NR2C1: variants seen among roughly 807,000 people sequenced by gnomAD.
NR2C1 encodes TR2 nuclear hormone receptor.
NR2C1 carries 33 observed loss-of-function variants against 74.8 expected under a neutral mutation model. The ratio of observed to expected loss-of-function variants is 0.44; its 90% CI spans 0.33 to 0.59. NR2C1 has a LOEUF of 0.59. NR2C1 is among the 20% of genes least tolerant of loss of function. NR2C1 has a pLI of 0.02. For missense variants in NR2C1, 568 were observed against 715.6 expected, an observed-to-expected ratio of 0.79 and a Z score of 2.35; for synonymous variants, 225 against 240.6, an observed-to-expected ratio of 0.94 and a Z score of 0.60.
chr12:95,054,661 A>G (rs745904194), intron 7 of NR2C1, among the ~76,000 whole-genome samples: 5 of 152,236 alleles, frequency 3.3e-5, no homozygotes, highest in Non-Finnish European at 5.9e-5. Context: ...TAAAAAGTAC[A>G]TTAGTTACAA....
intron 7 of NR2C1, 57 bp downstream of exon 7, chr12:95,057,496 T>G: frequency 7.8e-7 from 1 of 1,277,104 alleles, no homozygotes; most frequent in Non-Finnish European, 1.1e-6. Context: ...AGGAAGTGAT[T>G]AGAAAACATT....
chr12:95,038,078 C>T (rs1033697073), intron 10 of NR2C1, among the ~76,000 whole-genome samples: 1 of 152,004 alleles, frequency 6.6e-6, no homozygotes. Context: ...TACATAATGG[C>T]CTTGACTGCT....
intron 1 of NR2C1, among the ~76,000 whole-genome samples, chr12:95,070,284 A>G (rs1462311152): frequency 6.6e-6 from 1 of 152,040 alleles, no homozygotes; most frequent in East Asian, 1.9e-4. Context: ...GGCATGCACC[A>G]CCATGCCCAG....
intron 9 of NR2C1, among the ~76,000 whole-genome samples, chr12:95,041,869 C>T (rs1008279642): frequency 2.6e-5 from 4 of 152,178 alleles, no homozygotes; most frequent in African/African-American, 9.7e-5. Flanking sequence ...AGCTCTACAT[C>T]TAACAATGAA....
intron 1 of NR2C1, among the ~76,000 whole-genome samples, chr12:95,070,351 C>T (rs879429523): frequency 3.3e-5 from 5 of 151,952 alleles, no homozygotes; most frequent in South Asian, 2.1e-4. Flanking sequence ...AGGCTGGTCT[C>T]GAATTCTTGA....
chr12:95,046,440 T>G (rs954876063), intron 9 of NR2C1, among the ~76,000 whole-genome samples: 1 of 152,026 alleles, frequency 6.6e-6, no homozygotes, highest in African/African-American at 2.4e-5. Context: ...TTTTTTAAAT[T>G]AGCTGGGTGT....
chr12:95,057,770 G>C lies in NR2C1; in HGVS notation c.653C>G (p.Thr218Ser). 2 of 1,614,116 alleles carry C rather than the reference G, an allele frequency of 1.2e-6. No homozygotes were observed. The highest frequency in any genetic ancestry group is 1.7e-6 in the Non-Finnish European group (2 of 1,180,008). ...YIRKDLRSPL[T>S]ATPTFVTDSE... ...ATCTGTTACAAAAGTTGGAGTTGCA[G>C]TTAATGGGCTACGAAGGTCCTTTCG... Residue 218 changes from threonine to serine, a missense_variant, in exon 6 of 14, where the codon ACT becomes AGT. By Grantham distance (58) the Thr-to-Ser change is moderately conservative. Transcript: ENST00000333003.
intron 2 of NR2C1, among the ~76,000 whole-genome samples, chr12:95,063,827 C>T (rs1019316122): frequency 6.6e-6 from 1 of 150,694 alleles, no homozygotes; most frequent in African/African-American, 2.4e-5. Flanking sequence ...GTCAGGAGTT[C>T]AAGCCCAGCC....
intron 2 of NR2C1, among the ~76,000 whole-genome samples, chr12:95,065,742 G>A (rs1875586258): frequency 6.6e-6 from 1 of 151,956 alleles, no homozygotes; most frequent in South Asian, 2.1e-4. Context: ...ATGAGGTCAG[G>A]AGTTTGAGAC....
At chr12:95,065,183 C>G (rs1470357295) in intron 2 of NR2C1, among the ~76,000 whole-genome samples, 1 of 151,928 alleles carries the variant, frequency 6.6e-6, no homozygotes, top group Non-Finnish European at 1.5e-5. Context: ...CTGAGGGTTC[C>G]AAAGAGCTTT....
intron 3 of NR2C1, among the ~76,000 whole-genome samples, chr12:95,060,754 A>C (rs111375411): frequency 4.6e-5 from 7 of 152,360 alleles, no homozygotes; most frequent in African/African-American, 1.7e-4. Flanking sequence ...TGAAATGTGA[A>C]CAAATAAATT....
chr12:95,030,275 T>C lies in NR2C1; in HGVS notation c.1393+1074A>G, dbSNP rs978535654. 7.8e-5 allele frequency: 22 copies of C among 280,440 alleles called. No individual in the cohort carries two copies. In the East Asian group the frequency reaches 1.4e-3, roughly 18 times the overall value. 17.4% of individuals were successfully genotyped at this position (280,440 alleles called of 1,614,324 possible). A position where few individuals can be genotyped will look rare whatever the true frequency, so the allele number is the denominator to read the frequency against. ...GTACATAAGACTCAAATTTTGGTAA[T>C]AGGATTTTATTTAAGCTTATATTGG... On this transcript the variant is annotated intron_variant, in intron 11 of 13. Transcript: ENST00000333003.
intron 9 of NR2C1, among the ~76,000 whole-genome samples, chr12:95,044,167 A>G (rs1871985918): frequency 6.6e-6 from 1 of 152,246 alleles, no homozygotes; most frequent in Non-Finnish European, 1.5e-5. Flanking sequence ...GAGCATTGAC[A>G]AGAACTAAAC....
Position 95,059,897 on chromosome 12 carries a change from T to G in NR2C1, c.364+9A>C. ...TTTTCTGTTTTTAGGAGGTTATTCT[T>G]AATGTTACCTGATGCTTTGTCTCCA... On this transcript the variant is annotated intron_variant, in intron 4 of 13. Coordinates refer to ENST00000333003, the MANE Select transcript of NR2C1 (RefSeq NM_003297.4). The G allele has an allele frequency of 6.4e-7, 1 of 1,573,350 alleles. No homozygotes were observed. The highest frequency in any genetic ancestry group is 8.6e-7 in the Non-Finnish European group (1 of 1,165,318).
Position 95,021,515 on chromosome 12 carries a change from TA to T in NR2C1, c.*713del. 6.6e-6 allele frequency: 1 copy of T among 151,966 alleles called. No homozygotes were observed. The allele number at this position is 151,966 out of a possible 1,614,324, so 9.4% of individuals were successfully genotyped here. A position where few individuals can be genotyped will look rare whatever the true frequency, so the allele number is the denominator to read the frequency against. On this transcript the variant is annotated 3_prime_UTR_variant, in exon 14 of 14. Coordinates refer to ENST00000333003, the MANE Select transcript of NR2C1 (RefSeq NM_003297.4). The stretch of plus-strand genomic sequence containing the variant: ...AAAAACAAAAACACGAGCAGTAAGC[TA>T]AAAATATTAAAATATCAACACTAGC...
At chr12:95,042,375 A>G (rs969323246) in intron 9 of NR2C1, among the ~76,000 whole-genome samples, 5 of 151,972 alleles carry the variant, frequency 3.3e-5, no homozygotes, top group African/African-American at 9.7e-5. Context: ...AGGCCCCGCT[A>G]ATTTTTTTTG....
At chr12:95,032,457 C>CAAAAAAAAAAAA (rs905079010) in intron 10 of NR2C1, among the ~76,000 whole-genome samples, 12 of 90,716 alleles carry the variant, frequency 1.3e-4, no homozygotes, top group African/African-American at 4.9e-4. Flanking sequence ...GACTCCGTCT[C>CAAAAAAAAAAAA]AAAAAAAAAA....
chr12:95,070,330 C>T (rs1336299200), intron 1 of NR2C1, among the ~76,000 whole-genome samples: 1 of 152,032 alleles, frequency 6.6e-6, no homozygotes, highest in African/African-American at 2.4e-5. Context: ...AAGGGTTTCA[C>T]CATGTTGGCC....
At chr12:95,055,907 C>T (rs1053336021) in intron 7 of NR2C1, among the ~76,000 whole-genome samples, 6 of 130,148 alleles carry the variant, frequency 4.6e-5, no homozygotes, top group South Asian at 2.5e-4. Flanking sequence ...GAGCCGAGAT[C>T]GGGACACTGC....
Sources: gnomAD v4.1 joint callset for allele counts (sites outside exome capture counted in the v4.1 genomes callset) on GRCh38, gnomAD v4.1.1 for gene constraint, MANE v1.5 for transcripts, NCBI Gene and HGNC (gene_info 2026-07-23, HGNC 2026-07-21) for gene names.